Variants in PHF21A observed in about 807,000 individuals in gnomAD.
PHF21A encodes BHC80a.
In PHF21A, 11 loss-of-function variants were observed where a neutral mutation model predicts 82.5. That is an observed-to-expected ratio of 0.13 (90% CI 0.08 to 0.22). PHF21A has a LOEUF of 0.22. Among genes scored for constraint, PHF21A ranks in the 10% least tolerant of loss-of-function variants. The probability of loss-of-function intolerance (pLI) is 1.00; values close to 1 mark genes in which losing one functional copy is unlikely to be tolerated. For synonymous variants in PHF21A, 297 were observed against 302.8 expected (o/e 0.98, Z 0.20); for missense variants, 579 against 837.8 (o/e 0.69, Z 3.81).
chr11:46,088,920 A>T (rs1415851108), intron 3 of PHF21A, among the ~76,000 whole-genome samples: 1 of 152,132 alleles, frequency 6.6e-6, no homozygotes, highest in Non-Finnish European at 1.5e-5. Flanking sequence ...CTCGAAGGAA[A>T]GCTATAACTC....
intron 6 of PHF21A, among the ~76,000 whole-genome samples, chr11:46,036,237 A>G (rs1224237383): frequency 3.9e-5 from 6 of 152,184 alleles, no homozygotes; most frequent in African/African-American, 1.4e-4. Flanking sequence ...ACTGTGGTAA[A>G]ATTTACAGTC....
Position 46,030,820 on chromosome 11 carries a change from CGTGTGTGTGCGT to C in PHF21A, c.153+45922_153+45933del, listed in dbSNP as rs1158820823. ...CTAAACCACATAGTGTGTGTGTGTG[CGTGTGTGTGCGT>C]GTGTGTGTGTGTGTGTGTGTGTGTG... On this transcript the variant is annotated intron_variant, in intron 6 of 18. Coordinates refer to ENST00000676320, the MANE Select transcript of PHF21A (RefSeq NM_001352027.3). Among the ~76,000 whole-genome samples, 492 of 75,380 alleles carry C rather than the reference CGTGTGTGTGCGT, an allele frequency of 6.5e-3. 1 individual carries two copies. The highest frequency in any genetic ancestry group is 0.023 in the African/African-American group (449 of 19,378). The allele number at this position is 75,380 out of a possible 152,430, so 49.5% of individuals were successfully genotyped here. A position where few individuals can be genotyped will look rare whatever the true frequency, so the allele number is the denominator to read the frequency against.
intron 6 of PHF21A, among the ~76,000 whole-genome samples, chr11:46,063,430 A>G (rs1210913700): frequency 6.6e-6 from 1 of 152,226 alleles, no homozygotes; most frequent in African/African-American, 2.4e-5. Context: ...TGTCACGACT[A>G]CTTAACTCTG....
chr11:46,037,640 C>CAAAAA (rs1000939610), intron 6 of PHF21A, among the ~76,000 whole-genome samples: 1 of 59,050 alleles, frequency 1.7e-5, no homozygotes, highest in Non-Finnish European at 4.0e-5. Context: ...AACGTCATCT[C>CAAAAA]AAAAAAAAAA....
At chr11:45,983,878 C>T (rs919486402) in intron 6 of PHF21A, among the ~76,000 whole-genome samples, 4 of 152,094 alleles carry the variant, frequency 2.6e-5, no homozygotes, top group Admixed American at 2.0e-4. Flanking sequence ...TCTCACTGCT[C>T]CCTATATAAA....
chr11:46,018,645 A>G (rs1257205206), intron 6 of PHF21A, among the ~76,000 whole-genome samples: 1 of 152,258 alleles, frequency 6.6e-6, no homozygotes, highest in Non-Finnish European at 1.5e-5. Flanking sequence ...ATACAGGTAC[A>G]TATGTCACAT....
chr11:45,956,286 T>C (rs1481455711), intron 10 of PHF21A, among the ~76,000 whole-genome samples: 1 of 152,236 alleles, frequency 6.6e-6, no homozygotes, highest in Non-Finnish European at 1.5e-5. Flanking sequence ...AGTGTTATTA[T>C]TTATTTTTAA....
intron 6 of PHF21A, among the ~76,000 whole-genome samples, chr11:45,982,060 G>A (rs965063012): frequency 3.4e-5 from 5 of 148,356 alleles, no homozygotes; most frequent in Non-Finnish European, 5.9e-5. Flanking sequence ...AGGCTCAAGC[G>A]ATCCTGTCAC....
At chr11:45,945,767 G>C in intron 15 of PHF21A, 73 bp downstream of exon 15, 2 of 1,281,186 alleles carry the variant, frequency 1.6e-6, no homozygotes, top group Non-Finnish European at 2.2e-6. Flanking sequence ...AGTCGATAAG[G>C]AGACAACATA....
intron 5 of PHF21A, among the ~76,000 whole-genome samples, chr11:46,078,341 T>C (rs2096751983): frequency 6.6e-6 from 1 of 152,210 alleles, no homozygotes; most frequent in African/African-American, 2.4e-5. Context: ...GAAGCCTGTA[T>C]GTACTGTTTA....
At chr11:45,946,492 T>C (rs1312406262) in intron 14 of PHF21A, among the ~76,000 whole-genome samples, 2 of 152,170 alleles carry the variant, frequency 1.3e-5, no homozygotes, top group African/African-American at 4.8e-5. Flanking sequence ...CAAGCCATTC[T>C]CCTGCCTCAG....
intron 6 of PHF21A, among the ~76,000 whole-genome samples, chr11:46,020,234 T>C (rs909053286): frequency 5.9e-5 from 9 of 152,204 alleles, no homozygotes; most frequent in African/African-American, 2.2e-4. Flanking sequence ...TGTTCCCTAT[T>C]GACATTCTCA....
chr11:45,965,677 C>G lies in PHF21A; in HGVS notation c.703-69G>C, dbSNP rs919302605. On this transcript the variant is annotated intron_variant, in intron 9 of 18. Transcript: ENST00000676320. ...TCAAGTCCTATAAAAGCAAATCTTC[C>G]ACACTCTATGTATGAAATGGTGTTT... 2.5e-6 allele frequency: 3 copies of G among 1,177,760 alleles called. No individual in the cohort carries two copies. The African/African-American group carries it at 4.6e-5, about 18-fold the overall frequency. 73.0% of individuals were successfully genotyped at this position (1,177,760 alleles called of 1,614,324 possible).
intron 6 of PHF21A, among the ~76,000 whole-genome samples, chr11:45,992,751 G>GAAAC (rs1025575072): frequency 6.6e-6 from 1 of 152,162 alleles, no homozygotes; most frequent in Admixed American, 6.5e-5. Context: ...AAGACACAGG[G>GAAAC]AAACACACAA....
chr11:45,961,033 TCTTA>T (rs975202471), intron 10 of PHF21A, among the ~76,000 whole-genome samples: 3 of 152,204 alleles, frequency 2.0e-5, no homozygotes, highest in Non-Finnish European at 2.9e-5. Flanking sequence ...ATCATGCTTG[TCTTA>T]CTTATTATTT....
chr11:46,097,125 G>A (rs2097009664), intron 1 of PHF21A, among the ~76,000 whole-genome samples: 3 of 151,974 alleles, frequency 2.0e-5, no homozygotes, highest in South Asian at 2.1e-4. Flanking sequence ...CTTTCACCTA[G>A]ATAATTGCAA....
intron 7 of PHF21A, among the ~76,000 whole-genome samples, chr11:45,979,072 A>C (rs567361493): frequency 6.6e-6 from 1 of 150,782 alleles, no homozygotes; most frequent in Non-Finnish European, 1.5e-5. Context: ...GCTGGAGTGC[A>C]GTGGTGTGAT....
At chr11:46,047,629 T>C (rs1452553684) in intron 6 of PHF21A, among the ~76,000 whole-genome samples, 1 of 152,218 alleles carries the variant, frequency 6.6e-6, no homozygotes, top group Non-Finnish European at 1.5e-5. Flanking sequence ...TGAAAGATAT[T>C]ATTTTTTCTT....
intron 7 of PHF21A, among the ~76,000 whole-genome samples, chr11:45,973,367 A>C (rs948987713): frequency 2.0e-5 from 3 of 152,192 alleles, no homozygotes; most frequent in Non-Finnish European, 4.4e-5. Context: ...ATGCTTTTCT[A>C]CTTAGGGGTA....
Sources: allele counts gnomAD v4.1 joint callset (sites outside exome capture counted in the v4.1 genomes callset), GRCh38; gene constraint gnomAD v4.1.1; transcripts MANE v1.5; gene names NCBI Gene and HGNC (gene_info 2026-07-23, HGNC 2026-07-21).